ADAMTSL3: variants seen among roughly 807,000 people sequenced by gnomAD.
ADAMTSL3 encodes the protein ADAMTS-like protein 3.
ADAMTSL3 carries 128 observed loss-of-function variants against 201.7 expected under a neutral mutation model. That is an observed-to-expected ratio of 0.63 (90% confidence interval 0.55 to 0.73). ADAMTSL3 has a LOEUF of 0.73. Among genes scored for constraint, ADAMTSL3 ranks in the 30% least tolerant of loss-of-function variants. The probability of loss-of-function intolerance (pLI) is 0.00; values close to 1 mark genes in which losing one functional copy is unlikely to be tolerated. For synonymous variants in ADAMTSL3, 738 were observed against 748.4 expected (o/e 0.99, Z 0.23); for missense variants, 1,990 against 2,119.6 (o/e 0.94, Z 1.20).
At position 84,036,961 on chromosome 15, in the gene ADAMTSL3, G is replaced by T; in HGVS notation, c.4943G>T (p.Arg1648Leu). The T allele has an allele frequency of 6.2e-7, 1 of 1,614,028 alleles. No individual in the cohort carries two copies. The highest frequency in any genetic ancestry group is 8.5e-7 in the Non-Finnish European group (1 of 1,179,998). ...CAGAAAAAGAAACCAATTTCCTGGC[G>T]GCACTGTCTTGGGCCCTCCTGTGAT... ...CVQKKKPISW[R>L]HCLGPSCDRD... The change falls in exon 29 of 30, where the codon CGG (arginine) becomes CTG (leucine). Residue 1648 changes from arginine to leucine, a missense_variant. Physicochemically the swap from Arg to Leu is moderately radical, Grantham distance 102 (BLOSUM62 -2). Coordinates refer to ENST00000286744, the MANE Select transcript of ADAMTSL3 (RefSeq NM_207517.3).
At chr15:83,865,836 A>T (rs1359156112) in intron 8 of ADAMTSL3, among the ~76,000 whole-genome samples, 2 of 152,198 alleles carry the variant, frequency 1.3e-5, no homozygotes, top group African/African-American at 2.4e-5. Context: ...AACCTACAGA[A>T]TGGGAGAAAA....
intron 27 of ADAMTSL3, 89 bp from the exon 28 acceptor site, chr15:84,031,246 T>A (rs2068403435): frequency 1.5e-6 from 2 of 1,315,730 alleles, no homozygotes; most frequent in Non-Finnish European, 2.2e-6. Context: ...TAATAGGTCT[T>A]CAGCTATCCT....
intron 3 of ADAMTSL3, among the ~76,000 whole-genome samples, chr15:83,718,095 TTTATC>T (rs1306790429): frequency 6.6e-6 from 1 of 152,122 alleles, no homozygotes; most frequent in Non-Finnish European, 1.5e-5. Flanking sequence ...CCTGAGGTCT[TTTATC>T]TTAAACAAAA....
chr15:83,921,931 G>A (rs943653681), intron 16 of ADAMTSL3, among the ~76,000 whole-genome samples: 1 of 151,854 alleles, frequency 6.6e-6, no homozygotes, highest in African/African-American at 2.4e-5. Context: ...AAAAAAAAAG[G>A]CACTTTCATG....
chr15:83,934,172 G>T (rs377417797), intron 17 of ADAMTSL3, among the ~76,000 whole-genome samples: 1 of 152,334 alleles, frequency 6.6e-6, no homozygotes, highest in South Asian at 2.1e-4. Flanking sequence ...GAAAGCAGCT[G>T]GGAGGGGGGG....
intron 3 of ADAMTSL3, among the ~76,000 whole-genome samples, chr15:83,711,299 T>A (rs2061929967): frequency 6.6e-6 from 1 of 152,190 alleles, no homozygotes; most frequent in Non-Finnish European, 1.5e-5. Context: ...TCCAAGTTAT[T>A]TATGTAATCG....
At chr15:83,711,559 C>G (rs915408986) in intron 3 of ADAMTSL3, among the ~76,000 whole-genome samples, 36 of 152,202 alleles carry the variant, frequency 2.4e-4, no homozygotes, top group African/African-American at 8.7e-4. Context: ...AGTTATGCTG[C>G]TTAAATATTC....
intron 27 of ADAMTSL3, among the ~76,000 whole-genome samples, chr15:84,030,763 C>T (rs1441738537): frequency 6.6e-6 from 1 of 152,126 alleles, no homozygotes; most frequent in Non-Finnish European, 1.5e-5. Context: ...TTTGTCCTCA[C>T]CCAAATCTCA....
chr15:83,978,821 G>A (rs1345726684), intron 20 of ADAMTSL3, among the ~76,000 whole-genome samples: 1 of 152,218 alleles, frequency 6.6e-6, no homozygotes, highest in East Asian at 1.9e-4. Flanking sequence ...GGGCCACAAG[G>A]CCTGCCTTCC....
chr15:83,812,098 A>G (rs2063707793), intron 5 of ADAMTSL3, among the ~76,000 whole-genome samples: 1 of 152,234 alleles, frequency 6.6e-6, no homozygotes, highest in South Asian at 2.1e-4. Context: ...GGATGTAACC[A>G]CAATGAACTT....
At chr15:83,899,614 T>G in intron 14 of ADAMTSL3, 33 bp from the exon 15 acceptor site, 1 of 1,595,166 alleles carries the variant, frequency 6.3e-7, no homozygotes, top group South Asian at 1.1e-5. Flanking sequence ...TTAATAGTAA[T>G]TAGGCTCATT....
At chr15:83,674,746 C>CATATATATATAT (rs1194032697) in intron 2 of ADAMTSL3, among the ~76,000 whole-genome samples, 1 of 101,844 alleles carries the variant, frequency 9.8e-6, no homozygotes. Flanking sequence ...CACATATATA[C>CATATATATATAT]ATATATACAC....
At chr15:83,857,361 T>C (rs896612599) in intron 7 of ADAMTSL3, among the ~76,000 whole-genome samples, 1 of 152,214 alleles carries the variant, frequency 6.6e-6, no homozygotes, top group Non-Finnish European at 1.5e-5. Context: ...TCCTGTGCTT[T>C]TAGTGTCATA....
rs139144597 is a variant in ADAMTSL3, at chr15:83,913,184, C to T, written c.1793C>T (p.Thr598Met). 1.1e-5 allele frequency: 17 copies of T among 1,614,058 alleles called. No individual in the cohort carries two copies. Among genetic ancestry groups the T allele is most frequent in the East Asian group, 4.5e-5 (2 of 44,894 alleles). The change falls in exon 16 of 30, where the codon ACG becomes ATG. Residue 598 changes from threonine to methionine, a missense_variant. By Grantham distance (81) the Thr-to-Met change is moderately conservative. Transcript: ENST00000286744. ...AAGTGCCGTGTGCTCCTCACATTCA[C>T]GCAGACTGAGACTGAGCTGCCCGAG... ...EVKCRVLLTF[T>M]QTETELPEEE... is the part of the protein sequence containing the mutation.
rs373550065 is a variant in ADAMTSL3 at position 83,897,057 on chromosome 15, C to T, written c.1468-801C>T. On this transcript the variant is annotated intron_variant, in intron 13 of 29. Transcript: ENST00000286744. ...ACCCTCTACCAGGTCCCTCCCATGA[C>T]AAGTGGGGATTATGGGGATTACAAT... Among the ~76,000 whole-genome samples the T allele has an allele frequency of 3.9e-5, 6 of 152,234 alleles. No individual in the cohort carries two copies. The East Asian group carries it at 9.7e-4, about 25-fold the overall frequency.
chr15:84,024,189 A>G (rs948386214), intron 26 of ADAMTSL3, among the ~76,000 whole-genome samples: 1 of 152,216 alleles, frequency 6.6e-6, no homozygotes, highest in African/African-American at 2.4e-5. Context: ...CCGGGAGGCA[A>G]TGGTTGGAGT....
At chr15:83,896,295 G>A (rs1413302429) in intron 13 of ADAMTSL3, among the ~76,000 whole-genome samples, 1 of 152,170 alleles carries the variant, frequency 6.6e-6, no homozygotes, top group Non-Finnish European at 1.5e-5. Context: ...CCTCCCTGGG[G>A]TGGATCCAGA....
chr15:83,835,698 A>G (rs2064255717), intron 6 of ADAMTSL3, among the ~76,000 whole-genome samples: 1 of 152,242 alleles, frequency 6.6e-6, no homozygotes. Context: ...TTGCATGAAC[A>G]CAAGTTACTC....
In ADAMTSL3 at chr15:83,870,503, T is replaced by C. The variant is rs55839613; in HGVS notation, c.803-299T>C. Among the ~76,000 whole-genome samples the C allele has an allele frequency of 0.22, 32,978 of 152,160 alleles. 4,247 individuals are homozygous for C. The highest frequency in any genetic ancestry group is 0.28 in the Non-Finnish European group (19,241 of 67,960). ...GTGAACATAGCTTTACTTTGAGTATTAGCTAAATCATGAAAACATATAAAG... is the reference window on the plus strand; with the variant it reads ...GTGAACATAGCTTTACTTTGAGTATCAGCTAAATCATGAAAACATATAAAG... On this transcript the variant is annotated intron_variant, in intron 8 of 29. Transcript: ENST00000286744.
Sources: gnomAD v4.1 joint callset for allele counts (sites outside exome capture counted in the v4.1 genomes callset) on GRCh38, gnomAD v4.1.1 for gene constraint, MANE v1.5 for transcripts, NCBI Gene and HGNC (gene_info 2026-07-23, HGNC 2026-07-21) for gene names.